Variants in OTUD7A observed in about 807,000 individuals in gnomAD.
OTUD7A encodes the protein OTU deubiquitinase 7A, also known as OTU domain-containing protein 7A.
OTUD7A carries 12 observed loss-of-function variants against 65.7 expected under a neutral mutation model. The ratio of observed to expected loss-of-function variants is 0.18; its 90% CI spans 0.12 to 0.30. The LOEUF (loss-of-function observed/expected upper bound fraction) is 0.30. OTUD7A is among the 10% of genes least tolerant of loss of function. The probability of loss-of-function intolerance (pLI) is 1.00; values close to 1 mark genes in which losing one functional copy is unlikely to be tolerated. For missense variants in OTUD7A, 1,148 were observed against 1,304.8 expected, an observed-to-expected ratio of 0.88 and a Z score of 1.85; for synonymous variants, 641 against 586.3, an observed-to-expected ratio of 1.09 and a Z score of -1.35.
chr15:31,657,357 CT>C (rs1330838788), intron 1 of OTUD7A, among the ~76,000 whole-genome samples: 1 of 150,586 alleles, frequency 6.6e-6, no homozygotes, highest in East Asian at 1.9e-4. Context: ...TTTCCTTTTC[CT>C]TTTTCTTTTT....
chr15:31,607,282 A>G (rs892646796), intron 3 of OTUD7A, among the ~76,000 whole-genome samples: 24 of 152,166 alleles, frequency 1.6e-4, no homozygotes, highest in Admixed American at 2.6e-4. Flanking sequence ...AGGGCCCTCA[A>G]TGAAGAACAA....
chr15:31,762,704 C>A (rs1469920246), intron 1 of OTUD7A, among the ~76,000 whole-genome samples: 1 of 152,230 alleles, frequency 6.6e-6, no homozygotes, highest in African/African-American at 2.4e-5. Context: ...AACCACATCC[C>A]TGAAAGGGTC....
chr15:31,483,895 G>C lies in OTUD7A; in HGVS notation c.2201C>G (p.Pro734Arg), dbSNP rs754831630. ...CGCCGCACGCCCTGCCGCGGGCCCG[G>C]GGCTCGGCCGCTCCTTGAGCTTGAG... ...LVLKLKERPS[P>R]GPAAGRAARA... The change falls in exon 13 of 13, where the codon CCC becomes CGC. Residue 734 changes from proline (P) to arginine (R), a missense_variant. By Grantham distance (103) the Pro-to-Arg change is moderately radical. Coordinates refer to ENST00000307050, the MANE Select transcript of OTUD7A (RefSeq NM_001382637.1). 2.4e-5 allele frequency: 24 copies of C among 1,008,900 alleles called. No homozygotes were observed. The highest frequency in any genetic ancestry group is 3.5e-6 in the Non-Finnish European group (3 of 846,820). 62.5% of individuals were successfully genotyped at this position (1,008,900 alleles called of 1,614,324 possible).
At chr15:31,540,113 G>GT (rs1186384873) in intron 5 of OTUD7A, among the ~76,000 whole-genome samples, 2 of 152,174 alleles carry the variant, frequency 1.3e-5, no homozygotes, top group African/African-American at 4.8e-5. Context: ...GAAATTTTTA[G>GT]TTTGGTTATA....
intron 1 of OTUD7A, among the ~76,000 whole-genome samples, chr15:31,702,583 T>C (rs968050018): frequency 4.6e-5 from 7 of 151,284 alleles, no homozygotes; most frequent in Non-Finnish European, 1.0e-4. Context: ...CCATAAAACA[T>C]TAAAGATATA....
chr15:31,768,801 T>C (rs1895156551), intron 1 of OTUD7A, among the ~76,000 whole-genome samples: 1 of 152,184 alleles, frequency 6.6e-6, no homozygotes, highest in Admixed American at 6.5e-5. Context: ...TAGTTAAATG[T>C]TGTTCTACAC....
intron 3 of OTUD7A, among the ~76,000 whole-genome samples, chr15:31,642,571 T>C (rs533533805): frequency 2.6e-5 from 4 of 151,382 alleles, no homozygotes; most frequent in Non-Finnish European, 5.9e-5. Context: ...TTAATAAATA[T>C]AGACCTATTC....
chr15:31,575,081 CAG>C (rs1256136248), intron 3 of OTUD7A, among the ~76,000 whole-genome samples: 3 of 152,114 alleles, frequency 2.0e-5, no homozygotes, highest in East Asian at 1.9e-4. Context: ...TGATTAAACT[CAG>C]GGGGGAAAAG....
At position 31,481,995 on chromosome 15, in the gene OTUD7A, C is replaced by T. The variant is rs778222285; in HGVS notation, c.*1299G>A. ...TCATTTCTTGGAAACAAGCTCGTTC[C>T]TTAGTGAGGCAGATTTAGCTCCTCA... is the stretch of plus-strand genomic sequence containing the variant. On this transcript the variant is annotated 3_prime_UTR_variant, in exon 13 of 13. Coordinates refer to ENST00000307050, the MANE Select transcript of OTUD7A (RefSeq NM_001382637.1). 5 of 152,214 alleles carry T rather than the reference C, an allele frequency of 3.3e-5. No individual in the cohort carries two copies. Among genetic ancestry groups the T allele is most frequent in the Non-Finnish European group, 7.3e-5 (5 of 68,048 alleles). 9.4% of individuals were successfully genotyped at this position (152,214 alleles called of 1,614,324 possible).
At chr15:31,520,084 T>A (rs1238255067) in intron 8 of OTUD7A, among the ~76,000 whole-genome samples, 1 of 152,190 alleles carries the variant, frequency 6.6e-6, no homozygotes, top group Non-Finnish European at 1.5e-5. Context: ...ATCTACAGAT[T>A]CAATACAATC....
chr15:31,651,727 T>C lies in OTUD7A; in HGVS notation c.151+3369A>G, dbSNP rs187535386. 5.9e-5 allele frequency among the ~76,000 whole-genome samples: 9 copies of C among 151,740 alleles called. No homozygotes were observed. The East Asian group carries it at 1.7e-3, about 29-fold the overall frequency. ...ATATTGCCAATGAACAAGTAGAAAC[T>C]GAAATAAAAAATACCATGTACAATA... On this transcript the variant is annotated intron_variant, in intron 3 of 12. Transcript: ENST00000307050.
chr15:31,510,903 CATATATGTATATCTATATGTAACAT>C (rs2141096186), intron 8 of OTUD7A, among the ~76,000 whole-genome samples: 1 of 16,490 alleles, frequency 6.1e-5, no homozygotes, highest in African/African-American at 7.0e-4. Flanking sequence ...CTATATGTAA[CATATATGTATATCTATATGTAACAT>C]ATATGTATAT....
intron 1 of OTUD7A, among the ~76,000 whole-genome samples, chr15:31,775,061 C>T (rs1034326418): frequency 2.0e-5 from 3 of 150,690 alleles, no homozygotes; most frequent in Admixed American, 6.6e-5. Flanking sequence ...TATGCATGCA[C>T]GTGTGTACGC....
At chr15:31,624,936 C>A (rs1890905837) in intron 3 of OTUD7A, among the ~76,000 whole-genome samples, 1 of 152,206 alleles carries the variant, frequency 6.6e-6, no homozygotes. Context: ...GTGTGGCCCC[C>A]TCCACTTTGT....
chr15:31,728,717 G>A lies in OTUD7A; in HGVS notation c.-99-71640C>T, dbSNP rs909027552. ...CTTTCCTTGGTTAAATTATCTCAAC[G>A]AAGTCCCACCTTTATTTTCTCACGA... On this transcript the variant is annotated intron_variant, in intron 1 of 12. Coordinates refer to ENST00000307050, the MANE Select transcript of OTUD7A (RefSeq NM_001382637.1). Among the ~76,000 whole-genome samples, 5 of 152,306 alleles carry A rather than the reference G, an allele frequency of 3.3e-5. 1 individual carries two copies. The highest frequency in any genetic ancestry group is 3.9e-4 in the East Asian group (2 of 5,192).
intron 3 of OTUD7A, among the ~76,000 whole-genome samples, chr15:31,593,292 T>C (rs1889805314): frequency 6.6e-6 from 1 of 151,992 alleles, no homozygotes; most frequent in African/African-American, 2.4e-5. Context: ...CTCCTATTGG[T>C]TCTGTTTCAC....
chr15:31,574,618 T>C (rs1889150672), intron 3 of OTUD7A, among the ~76,000 whole-genome samples: 1 of 152,220 alleles, frequency 6.6e-6, no homozygotes, highest in Non-Finnish European at 1.5e-5. Context: ...AAAACCACTT[T>C]ATAAGGCAAA....
In OTUD7A at chr15:31,484,947, G is replaced by A. The variant is rs1595549933; in HGVS notation, c.1372-223C>T. On this transcript the variant is annotated intron_variant, in intron 12 of 12. Transcript: ENST00000307050. The surrounding 1 kb of genome is among the most constrained non-coding windows in gnomAD (Gnocchi z 4.5). ...TGCTGCGGTAGTAAAAGGATGTAGG[G>A]ACCTCTTAACTGCGTGTGTCTTCTG... 6.6e-6 allele frequency among the ~76,000 whole-genome samples: 1 copy of A among 152,194 alleles called. No individual in the cohort carries two copies. The highest frequency in any genetic ancestry group is 1.9e-4 in the East Asian group (1 of 5,190).
chr15:31,644,350 G>A (rs562783716), intron 3 of OTUD7A, among the ~76,000 whole-genome samples: 2 of 152,064 alleles, frequency 1.3e-5, no homozygotes, highest in South Asian at 4.2e-4. Flanking sequence ...CCTTGGTGTG[G>A]CCGTGTCCTT....
Sources: allele counts gnomAD v4.1 joint callset (sites outside exome capture counted in the v4.1 genomes callset), GRCh38; gene constraint gnomAD v4.1.1; non-coding constraint Gnocchi (gnomAD v3.1); transcripts MANE v1.5; gene names NCBI Gene and HGNC (gene_info 2026-07-23, HGNC 2026-07-21).